The following CLECL1 variants were observed in gnomAD, a reference collection of about 807,000 sequenced individuals.
The protein encoded by CLECL1 is C-type lectin like 1.
At chr12:9,715,489 A>G (rs1283575610), downstream of CLECL1, among the ~76,000 whole-genome samples, 2 of 152,164 alleles carry the variant, frequency 1.3e-5, no homozygotes, top group Non-Finnish European at 2.9e-5. Context: ...TACTATACAA[A>G]GTTTCTCTTT....
chr12:9,725,500 T>C (rs1269463132), intron 3 of CLECL1, among the ~76,000 whole-genome samples: 1 of 152,034 alleles, frequency 6.6e-6, no homozygotes, highest in East Asian at 1.9e-4. Flanking sequence ...TCTGATAGAC[T>C]AGATACCTGG....
chr12:9,702,948 G>A, the CLECL1 span, among the ~76,000 whole-genome samples: 1 of 152,132 alleles, frequency 6.6e-6, no homozygotes, highest in Non-Finnish European at 1.5e-5. Flanking sequence ...TATCTGCCAA[G>A]GTTCCAATCA....
At chr12:9,703,948 A>G in the CLECL1 span, 7 of 151,660 alleles carry the variant, frequency 4.6e-5, no homozygotes, top group East Asian at 5.8e-4. Flanking sequence ...CAAGGTGAAC[A>G]TATGTATGAT....
At chr12:9,704,342 G>A in the CLECL1 span, among the ~76,000 whole-genome samples, 4,545 of 152,188 alleles carry the variant, frequency 0.03, 82 homozygotes, top group Non-Finnish European at 0.037. Flanking sequence ...AAATGTTGCT[G>A]CATTGTCACA....
downstream of CLECL1, among the ~76,000 whole-genome samples, chr12:9,722,003 C>T (rs112837209): frequency 4.5e-3 from 684 of 152,274 alleles, 13 homozygotes; most frequent in African/African-American, 0.015. Flanking sequence ...GCATGTTCAA[C>T]CAGGTTTGTA....
At chr12:9,716,398 A>C (rs2121037372) in exon 3 of CLECL1, 1 of 156,822 alleles carries the variant, frequency 6.4e-6, no homozygotes, top group Middle Eastern at 3.1e-3. Flanking sequence ...TGCTATCACC[A>C]ATCACTCTTC....
downstream of CLECL1, among the ~76,000 whole-genome samples, chr12:9,721,992 C>T (rs1029429412): frequency 1.3e-5 from 2 of 152,242 alleles, no homozygotes; most frequent in South Asian, 2.1e-4. Context: ...TTTCAGATGG[C>T]GCATGTTCAA....
downstream of CLECL1, among the ~76,000 whole-genome samples, chr12:9,713,656 C>T (rs996200025): frequency 7.9e-5 from 12 of 152,114 alleles, no homozygotes; most frequent in African/African-American, 2.9e-4. Flanking sequence ...CTTATTTTTG[C>T]TACTTATGTC....
At position 9,729,826 on chromosome 12, in the gene CLECL1, C is replaced by T. The variant is rs756110103; in HGVS notation, n.83-150G>A. ...GTAGACCCAGCTTCTTTTTTTTTTTCCACACAAAACACACATATGCGAGTA... is the reference window on the plus strand; with the variant it reads ...GTAGACCCAGCTTCTTTTTTTTTTTTCACACAAAACACACATATGCGAGTA... On this transcript the variant is annotated intron_variant and non_coding_transcript_variant, in intron 1 of 3. Transcript: ENST00000621400. 1.5e-3 allele frequency among the ~76,000 whole-genome samples: 221 copies of T among 149,770 alleles called. No individual in the cohort carries two copies. In the Middle Eastern group the frequency reaches 0.048, roughly 32 times the overall value.
chr12:9,729,353 A>C (rs1050350849), intron 2 of CLECL1, among the ~76,000 whole-genome samples: 4 of 152,152 alleles, frequency 2.6e-5, no homozygotes, highest in Non-Finnish European at 5.9e-5. Context: ...TGATCATAAA[A>C]TAAGCAACTA....
At chr12:9,727,143 C>A (rs2121058553) in intron 3 of CLECL1, among the ~76,000 whole-genome samples, 1 of 151,772 alleles carries the variant, frequency 6.6e-6, no homozygotes, top group Non-Finnish European at 1.5e-5. Flanking sequence ...CAAATACATT[C>A]ATACGAGAGA....
intron 3 of CLECL1, 136 bp from the exon 2 acceptor site, chr12:9,722,949 G>A: frequency 1.8e-6 from 1 of 554,202 alleles, no homozygotes; most frequent in Non-Finnish European, 3.0e-6. Context: ...TTGTTCCAGG[G>A]TACATTTGAA....
the CLECL1 span, chr12:9,708,796 G>A: frequency 5.7e-6 from 1 of 174,700 alleles, no homozygotes; most frequent in Non-Finnish European, 1.2e-5. Context: ...GGGGACACTG[G>A]CTTTCTCTCT....
At chr12:9,727,053 A>C (rs1468428466) in intron 3 of CLECL1, among the ~76,000 whole-genome samples, 7 of 151,754 alleles carry the variant, frequency 4.6e-5, no homozygotes, top group Admixed American at 4.6e-4. Flanking sequence ...ATTTTAATAC[A>C]GAATTAAAAT....
intron 3 of CLECL1, among the ~76,000 whole-genome samples, chr12:9,725,550 A>G (rs957890460): frequency 9.4e-5 from 3 of 32,002 alleles, no homozygotes; most frequent in Non-Finnish European, 1.8e-4. Context: ...ATAGAATATA[A>G]AAAAATAGAT....
chr12:9,721,291 A>T (rs1866309597), downstream of CLECL1, among the ~76,000 whole-genome samples: 1 of 151,832 alleles, frequency 6.6e-6, no homozygotes, highest in African/African-American at 2.4e-5. Context: ...TTTTATATTT[A>T]TTGGAGTAAA....
upstream of CLECL1, chr12:9,733,149 A>G: frequency 6.2e-7 from 1 of 1,614,078 alleles, no homozygotes; most frequent in Non-Finnish European, 8.5e-7. Context: ...TCTGCTCCCC[A>G]AGTGGGTGGT....
intron 1 of CLECL1, among the ~76,000 whole-genome samples, chr12:9,731,675 T>C (rs989513552): frequency 2.6e-5 from 4 of 152,202 alleles, no homozygotes; most frequent in African/African-American, 9.7e-5. Flanking sequence ...TGACTATAGG[T>C]AGGTAATTTA....
At chr12:9,712,458 T>A (rs1866206571), downstream of CLECL1, among the ~76,000 whole-genome samples, 1 of 152,270 alleles carries the variant, frequency 6.6e-6, no homozygotes, top group Non-Finnish European at 1.5e-5. Flanking sequence ...ATAATACTGT[T>A]CTGCTTTAGC....
Sources: allele counts gnomAD v4.1 joint callset (sites outside exome capture counted in the v4.1 genomes callset), GRCh38; gene constraint gnomAD v4.1.1; transcripts MANE v1.5; gene names NCBI Gene and HGNC (gene_info 2026-07-23, HGNC 2026-07-21).